Variants in NCOR1 observed in about 807,000 individuals in gnomAD.
NCOR1 encodes the protein protein phosphatase 1, regulatory subunit 109.
Under a neutral mutation model 288.1 loss-of-function variants are expected in NCOR1, and 63 were observed. That is an observed-to-expected ratio of 0.22 (90% CI 0.18 to 0.27). The LOEUF is 0.27. Ranked by LOEUF, NCOR1 falls within the 10% of genes least tolerant of loss-of-function variation. The pLI is 1.00. For missense variants in NCOR1, 2,397 were observed against 3,019.2 expected, an observed-to-expected ratio of 0.79 and a Z score of 4.83; for synonymous variants, 1,007 against 1,065.9, an observed-to-expected ratio of 0.94 and a Z score of 1.08.
intron 15 of NCOR1, among the ~76,000 whole-genome samples, chr17:16,121,930 C>T (rs762002109): frequency 1.2e-4 from 18 of 152,144 alleles, no homozygotes; most frequent in Admixed American, 1.0e-3. Flanking sequence ...CTGCCTCACC[C>T]CCATGGGCCT....
At chr17:16,144,189 T>C (rs565630219) in intron 10 of NCOR1, among the ~76,000 whole-genome samples, 1 of 152,326 alleles carries the variant, frequency 6.6e-6, no homozygotes, top group Admixed American at 6.5e-5. Context: ...GTAAAACAAA[T>C]CAGAATCTAT....
At position 16,094,622 on chromosome 17, in the gene NCOR1, C is replaced by T. The variant is rs530175268; in HGVS notation, c.2821-2564G>A. Among the ~76,000 whole-genome samples, 428 of 152,278 alleles carry T rather than the reference C, an allele frequency of 2.8e-3. 3 individuals carry two copies. Among genetic ancestry groups the T allele is most frequent in the African/African-American group, 9.5e-3 (395 of 41,562 alleles). On this transcript the variant is annotated intron_variant, in intron 21 of 45. Coordinates refer to ENST00000268712, the MANE Select transcript of NCOR1 (RefSeq NM_006311.4). ...GTCTCCCTCTCATGCCGAGCCAAAG[C>T]TGGACTGTGCCGCTGCCATCTCGGC...
Position 16,039,665 on chromosome 17 carries a change from A to G in NCOR1, c.6734-11T>C, listed in dbSNP as rs371914465. 1 of 1,606,774 alleles carries G rather than the reference A, an allele frequency of 6.2e-7. No homozygotes were observed. Among genetic ancestry groups the G allele is most frequent in the African/African-American group, 1.3e-5 (1 of 74,812 alleles). On this transcript the variant is annotated splice_polypyrimidine_tract_variant and intron_variant, in intron 43 of 45. Transcript: ENST00000268712. ...TAGAGCTAACTGAGCCTGAAAGAGA[A>G]TCAAAAACATTTCCACTTATTTCTG... is the stretch of plus-strand genomic sequence containing the variant.
intron 22 of NCOR1, chr17:16,087,138 G>A: frequency 2.3e-6 from 3 of 1,290,308 alleles, no homozygotes; most frequent in South Asian, 2.5e-5. Context: ...TGGGTGGATG[G>A]CCAGCAGCCA....
intron 5 of NCOR1, among the ~76,000 whole-genome samples, chr17:16,164,559 G>C (rs1365164869): frequency 6.6e-6 from 1 of 151,948 alleles, no homozygotes; most frequent in Admixed American, 6.6e-5. Flanking sequence ...GCACAAACCG[G>C]TACTCACATA....
intron 40 of NCOR1, 48 bp from the exon 41 acceptor site, chr17:16,049,036 G>A: frequency 6.7e-7 from 1 of 1,501,554 alleles, no homozygotes; most frequent in Non-Finnish European, 9.0e-7. Context: ...GGCTAACCTG[G>A]GACTTACCTA....
chr17:16,063,918 G>A, intron 35 of NCOR1, 150 bp downstream of exon 35: 1 of 1,010,576 alleles, frequency 9.9e-7, no homozygotes, highest in Non-Finnish European at 1.4e-6. Flanking sequence ...AGCTGCTACA[G>A]CACTTTCACC....
chr17:16,067,097 T>C (rs997699632), intron 32 of NCOR1, among the ~76,000 whole-genome samples: 2 of 152,204 alleles, frequency 1.3e-5, no homozygotes, highest in Non-Finnish European at 2.9e-5. Flanking sequence ...GCCAAGCCTC[T>C]CTGTACCAAC....
intron 17 of NCOR1, among the ~76,000 whole-genome samples, chr17:16,118,865 T>C (rs547284071): frequency 6.6e-6 from 1 of 152,152 alleles, no homozygotes; most frequent in Non-Finnish European, 1.5e-5. Context: ...GTCCATAAAG[T>C]GCCAGAGTAA....
At chr17:16,151,599 C>T (rs774347037) in intron 8 of NCOR1, 6 of 1,337,706 alleles carry the variant, frequency 4.5e-6, no homozygotes, top group Non-Finnish European at 5.9e-6. Context: ...CTTCATCATG[C>T]GCCTTGCAGG....
chr17:16,189,314 C>A (rs1398976768), intron 2 of NCOR1, among the ~76,000 whole-genome samples: 1 of 151,968 alleles, frequency 6.6e-6, no homozygotes, highest in Non-Finnish European at 1.5e-5. Flanking sequence ...GAATTGCTTG[C>A]ACCCAGGAGG....
At chr17:16,142,242 A>G (rs2077265886) in intron 11 of NCOR1, among the ~76,000 whole-genome samples, 1 of 152,218 alleles carries the variant, frequency 6.6e-6, no homozygotes, top group Admixed American at 6.5e-5. Context: ...TTACTTATCT[A>G]AATTATTTCT....
chr17:16,130,479 C>T (rs2075422691), intron 14 of NCOR1, among the ~76,000 whole-genome samples: 1 of 152,132 alleles, frequency 6.6e-6, no homozygotes, highest in Non-Finnish European at 1.5e-5. Context: ...GCTCGTTGTC[C>T]AGGTTTTTCC....
At chr17:16,196,766 C>T (rs1290166713) in intron 1 of NCOR1, among the ~76,000 whole-genome samples, 1 of 146,894 alleles carries the variant, frequency 6.8e-6, no homozygotes, top group Non-Finnish European at 1.5e-5. Context: ...CGGAGCTTGC[C>T]GTGAGCCAAG....
At chr17:16,205,365 G>C (rs1286829585) in intron 1 of NCOR1, among the ~76,000 whole-genome samples, 1 of 152,260 alleles carries the variant, frequency 6.6e-6, no homozygotes, top group African/African-American at 2.4e-5. Context: ...ATGCATGCCT[G>C]TAATCCCAGC....
At chr17:16,079,260 C>CT (rs1273686960) in intron 26 of NCOR1, among the ~76,000 whole-genome samples, 1 of 152,244 alleles carries the variant, frequency 6.6e-6, no homozygotes, top group African/African-American at 2.4e-5. Flanking sequence ...GGGGATCATA[C>CT]TTTGAGAACA....
rs565667484 is a variant in NCOR1 at position 16,145,628 on chromosome 17, G to A, written c.1082+748C>T. ...TGAGGAGCCCCTCTGCCCGGCAGCC[G>A]CCCCGTCTGGGAAGTGAGGAGCGTC... is the stretch of plus-strand genomic sequence containing the variant. On this transcript the variant is annotated intron_variant, in intron 10 of 45. Coordinates refer to ENST00000268712, the MANE Select transcript of NCOR1 (RefSeq NM_006311.4). Among the ~76,000 whole-genome samples the A allele has an allele frequency of 1.3e-3, 204 of 151,830 alleles. 2 individuals are homozygous for A. The highest frequency in any genetic ancestry group is 4.6e-3 in the African/African-American group (192 of 41,458).
intron 1 of NCOR1, among the ~76,000 whole-genome samples, chr17:16,204,959 G>A (rs1258760875): frequency 2.6e-5 from 4 of 152,206 alleles, no homozygotes; most frequent in African/African-American, 9.6e-5. Context: ...GTTGGCTCAC[G>A]CCTGTGATCC....
At chr17:16,107,261 ATTC>A (rs1568059943) in intron 19 of NCOR1, among the ~76,000 whole-genome samples, 1 of 151,852 alleles carries the variant, frequency 6.6e-6, no homozygotes, top group Non-Finnish European at 1.5e-5. Flanking sequence ...CCCCACCAAA[ATTC>A]TTCTGTTGGA....
Sources: allele counts gnomAD v4.1 joint callset (sites outside exome capture counted in the v4.1 genomes callset), GRCh38; gene constraint gnomAD v4.1.1; transcripts MANE v1.5; gene names NCBI Gene and HGNC (gene_info 2026-07-23, HGNC 2026-07-21).